MKLN1: variants seen among roughly 807,000 people sequenced by gnomAD.
MKLN1 encodes muskelin 1, also known as muskelin.
Under a neutral mutation model 99.0 loss-of-function variants are expected in MKLN1, and 18 were observed. The ratio of observed to expected loss-of-function variants is 0.18; its 90% CI spans 0.13 to 0.27. The LOEUF (loss-of-function observed/expected upper bound fraction) is 0.27, where lower values mean the gene tolerates loss of function less well. MKLN1 is among the 10% of genes least tolerant of loss of function. The probability of loss-of-function intolerance (pLI) is 1.00; values close to 1 mark genes in which losing one functional copy is unlikely to be tolerated. For synonymous variants in MKLN1, 288 were observed against 293.2 expected, an observed-to-expected ratio of 0.98 and a Z score of 0.18; for missense variants, 621 against 875.9, an observed-to-expected ratio of 0.71 and a Z score of 3.67.
rs149269625 is a variant in MKLN1 at position 131,398,419 on chromosome 7, C to T, written c.511-822C>T. Among the ~76,000 whole-genome samples, 17 of 152,150 alleles carry T rather than the reference C, an allele frequency of 1.1e-4. No homozygotes were observed. In the East Asian group the frequency reaches 2.7e-3, roughly 24 times the overall value. On this transcript the variant is annotated intron_variant, in intron 5 of 17. Coordinates refer to ENST00000352689, the MANE Select transcript of MKLN1 (RefSeq NM_013255.5). ...TAGAAAACAATTAAATTGGGCCGGG[C>T]GCAGTGGCTCACACCTGTAATCCCA...
At chr7:131,115,667 C>A (rs1228030518) in intron 1 of MKLN1, among the ~76,000 whole-genome samples, 3 of 152,198 alleles carry the variant, frequency 2.0e-5, no homozygotes, top group Non-Finnish European at 2.9e-5. Flanking sequence ...CCTCTTCAAC[C>A]TCATCTCCCA....
At chr7:131,396,012 A>G (rs1300437897) in intron 4 of MKLN1, among the ~76,000 whole-genome samples, 1 of 150,828 alleles carries the variant, frequency 6.6e-6, no homozygotes, top group Non-Finnish European at 1.5e-5. Flanking sequence ...AGGTATAGGA[A>G]AAGTTGATTT....
At chr7:131,212,111 C>T (rs1043408412) in intron 3 of MKLN1, among the ~76,000 whole-genome samples, 2 of 152,224 alleles carry the variant, frequency 1.3e-5, no homozygotes, top group African/African-American at 4.8e-5. Flanking sequence ...AATGGCTGTC[C>T]TGCAGGATCC....
At chr7:131,122,034 A>C (rs1436716200) in intron 1 of MKLN1, among the ~76,000 whole-genome samples, 1 of 152,240 alleles carries the variant, frequency 6.6e-6, no homozygotes, top group Non-Finnish European at 1.5e-5. Flanking sequence ...CCAAAAGGTC[A>C]AGAAAGATTA....
At chr7:131,216,967 A>G (rs1289580720) in intron 3 of MKLN1, among the ~76,000 whole-genome samples, 1 of 152,192 alleles carries the variant, frequency 6.6e-6, no homozygotes, top group Non-Finnish European at 1.5e-5. Context: ...TGCCCTCAGG[A>G]TCTATGCAGT....
chr7:131,237,623 A>G (rs1327195631), intron 3 of MKLN1, among the ~76,000 whole-genome samples: 1 of 152,126 alleles, frequency 6.6e-6, no homozygotes, highest in Non-Finnish European at 1.5e-5. Context: ...AAGTGGGGCA[A>G]TTGGTCCATC....
At chr7:131,142,620 A>G (rs766906174) in intron 1 of MKLN1, among the ~76,000 whole-genome samples, 2 of 151,674 alleles carry the variant, frequency 1.3e-5, no homozygotes, top group Non-Finnish European at 1.5e-5. Context: ...CTGTAGTCCC[A>G]GCTACTCGGG....
At chr7:131,339,854 G>A (rs186551601) in intron 1 of MKLN1, among the ~76,000 whole-genome samples, 1 of 151,962 alleles carries the variant, frequency 6.6e-6, no homozygotes, top group Non-Finnish European at 1.5e-5. Flanking sequence ...ATTGGGTTTG[G>A]TGTAAACTTT....
intron 6 of MKLN1, among the ~76,000 whole-genome samples, chr7:131,400,518 AATAT>A (rs56156009): frequency 1.9e-3 from 262 of 137,432 alleles, no homozygotes; most frequent in Non-Finnish European, 3.1e-3. Context: ...ATAAAAAAAA[AATAT>A]ATATATATAT....
At chr7:131,346,770 T>A (rs908188111) in intron 1 of MKLN1, among the ~76,000 whole-genome samples, 3 of 152,356 alleles carry the variant, frequency 2.0e-5, no homozygotes, top group African/African-American at 7.2e-5. Context: ...TAATCTATTA[T>A]TTTGGGCCTA....
chr7:131,320,746 C>A (rs1798759942), intron 3 of MKLN1, among the ~76,000 whole-genome samples: 1 of 152,074 alleles, frequency 6.6e-6, no homozygotes, highest in African/African-American at 2.4e-5. Flanking sequence ...AAAAAACAAA[C>A]AACCCCAACA....
At chr7:131,307,756 T>G (rs1180030779) in intron 3 of MKLN1, among the ~76,000 whole-genome samples, 2 of 152,232 alleles carry the variant, frequency 1.3e-5, no homozygotes, top group African/African-American at 4.8e-5. Context: ...CTAACTTGTT[T>G]TTTTATTTTA....
intron 2 of MKLN1, among the ~76,000 whole-genome samples, chr7:131,196,486 A>G (rs1441587933): frequency 6.6e-6 from 1 of 151,902 alleles, no homozygotes; most frequent in Non-Finnish European, 1.5e-5. Flanking sequence ...ATTATACAAA[A>G]AAGTCTGTGA....
chr7:131,303,249 A>G (rs887045561), intron 3 of MKLN1, among the ~76,000 whole-genome samples: 2 of 152,220 alleles, frequency 1.3e-5, no homozygotes, highest in African/African-American at 4.8e-5. Flanking sequence ...AGGAAAACGG[A>G]TGAATTCTGT....
chr7:131,218,728 GAAAT>G (rs1399157032), intron 3 of MKLN1, among the ~76,000 whole-genome samples: 1 of 152,152 alleles, frequency 6.6e-6, no homozygotes, highest in African/African-American at 2.4e-5. Context: ...GATGCCGAGT[GAAAT>G]AAGCCAGTCA....
chr7:131,362,269 G>A (rs374565909), intron 1 of MKLN1, among the ~76,000 whole-genome samples: 4 of 151,850 alleles, frequency 2.6e-5, no homozygotes, highest in South Asian at 2.1e-4. Flanking sequence ...ATAGTATAGC[G>A]TACTCCATTA....
chr7:131,247,930 A>G (rs1176653417), intron 3 of MKLN1, among the ~76,000 whole-genome samples: 1 of 149,098 alleles, frequency 6.7e-6, no homozygotes, highest in East Asian at 2.0e-4. Flanking sequence ...ACAGGGTCTC[A>G]CTCTGTCACC....
chr7:131,117,118 T>C (rs1193656700), intron 1 of MKLN1, among the ~76,000 whole-genome samples: 1 of 151,942 alleles, frequency 6.6e-6, no homozygotes, highest in Non-Finnish European at 1.5e-5. Flanking sequence ...CAGCCATCAA[T>C]AGAGAAGTGG....
chr7:131,323,450 C>T (rs1276145215), upstream of MKLN1: 1 of 152,168 alleles, frequency 6.6e-6, no homozygotes, highest in Non-Finnish European at 1.5e-5. Context: ...ATTTACATGT[C>T]TGGTTCTAAA....
Sources: allele counts gnomAD v4.1 joint callset (sites outside exome capture counted in the v4.1 genomes callset), GRCh38; gene constraint gnomAD v4.1.1; transcripts MANE v1.5; gene names NCBI Gene and HGNC (gene_info 2026-07-23, HGNC 2026-07-21).